Variants in KREMEN1 observed in about 807,000 individuals in gnomAD.
KREMEN1 encodes the protein kringle containing transmembrane protein 1.
KREMEN1 carries 30 observed loss-of-function variants against 46.5 expected under a neutral mutation model. The observed-to-expected ratio is 0.65, with a 90% CI of 0.48 to 0.88. The LOEUF (loss-of-function observed/expected upper bound fraction) is 0.88, where lower values mean the gene tolerates loss of function less well. Ranked by LOEUF, KREMEN1 falls within the 40% of genes least tolerant of loss-of-function variation. KREMEN1 has a pLI of 0.00. For missense variants in KREMEN1, 533 were observed against 596.9 expected, an observed-to-expected ratio of 0.89 and a Z score of 1.11; for synonymous variants, 214 against 230.6, an observed-to-expected ratio of 0.93 and a Z score of 0.65.
At chr22:29,158,833 GT>G (rs1267294207) in intron 9 of KREMEN1, among the ~76,000 whole-genome samples, 2 of 152,154 alleles carry the variant, frequency 1.3e-5, no homozygotes, top group African/African-American at 2.4e-5. Flanking sequence ...TTTTTGTTTT[GT>G]TTTTGTTTTT....
At chr22:29,113,486 G>A (rs983633839) in intron 3 of KREMEN1, among the ~76,000 whole-genome samples, 1 of 152,202 alleles carries the variant, frequency 6.6e-6, no homozygotes, top group South Asian at 2.1e-4. Flanking sequence ...AAGCCTTATT[G>A]TATATAATGA....
chr22:29,157,142 A>G (rs576588104), intron 9 of KREMEN1, among the ~76,000 whole-genome samples: 1 of 108 alleles, frequency 9.3e-3, no homozygotes, highest in African/African-American at 0.029. Context: ...AAACTATGCC[A>G]AGTCAGAGGA....
chr22:29,102,713 C>A (rs535000761), intron 3 of KREMEN1, among the ~76,000 whole-genome samples: 1 of 152,066 alleles, frequency 6.6e-6, no homozygotes, highest in African/African-American at 2.4e-5. Flanking sequence ...TAATATTTAC[C>A]GGATATGCTT....
chr22:29,126,863 A>G (rs1443236713), intron 5 of KREMEN1, among the ~76,000 whole-genome samples: 1 of 152,200 alleles, frequency 6.6e-6, no homozygotes, highest in Non-Finnish European at 1.5e-5. Flanking sequence ...ACATCCTGTT[A>G]TGTCCAGACC....
Position 29,143,112 on chromosome 22 carries a change from T to G in KREMEN1, c.*1000T>G, listed in dbSNP as rs1436607597. On this transcript the variant is annotated 3_prime_UTR_variant, in exon 9 of 9. Coordinates refer to ENST00000400335, the MANE Select transcript of KREMEN1 (RefSeq NM_001039570.3). The stretch of plus-strand genomic sequence containing the variant: ...TTGCAGTGAGCCGAGATCGCACCAC[T>G]GCACTCCAGCCTGGGTGACAAGAGT... 2.5e-6 allele frequency: 2 copies of G among 793,796 alleles called. No individual in the cohort carries two copies. Among genetic ancestry groups the G allele is most frequent in the African/African-American group, 3.7e-5 (2 of 53,352 alleles). 49.2% of individuals were successfully genotyped at this position (793,796 alleles called of 1,614,324 possible). A position where few individuals can be genotyped will look rare whatever the true frequency, so the allele number is the denominator to read the frequency against.
downstream of KREMEN1, among the ~76,000 whole-genome samples, chr22:29,151,086 C>A (rs1371522404): frequency 6.6e-6 from 1 of 150,950 alleles, no homozygotes; most frequent in African/African-American, 2.4e-5. Flanking sequence ...AAGGAAGAAT[C>A]AAACCTACAC....
At position 29,142,525 on chromosome 22, in the gene KREMEN1, A is replaced by C. The variant is rs1390845536; in HGVS notation, c.*413A>C. ...TTTTCTTGCTTCTCTATTTTTGTCC[A>C]CACACAAATCAGTTTCTCCTGATCT... On this transcript the variant is annotated 3_prime_UTR_variant, in exon 9 of 9. Coordinates refer to ENST00000400335, the MANE Select transcript of KREMEN1 (RefSeq NM_001039570.3). 2.0e-6 allele frequency: 2 copies of C among 989,768 alleles called. No homozygotes were observed. Among genetic ancestry groups the C allele is most frequent in the African/African-American group, 1.7e-5 (1 of 57,380 alleles). The allele number at this position is 989,768 out of a possible 1,614,324, so 61.3% of individuals were successfully genotyped here. A position where few individuals can be genotyped will look rare whatever the true frequency, so the allele number is the denominator to read the frequency against.
At chr22:29,091,925 A>T (rs1444432176) in intron 1 of KREMEN1, among the ~76,000 whole-genome samples, 3 of 152,148 alleles carry the variant, frequency 2.0e-5, no homozygotes, top group African/African-American at 7.2e-5. Context: ...TGTTCACAGA[A>T]TTAAAAGCAG....
chr22:29,167,437 C>G (rs1022051227), exon 10 of KREMEN1: 1 of 256,264 alleles, frequency 3.9e-6, no homozygotes, highest in African/African-American at 2.2e-5. Flanking sequence ...GAGGCAGGAC[C>G]GAGAGTGACA....
chr22:29,076,086 G>A (rs961086705), intron 1 of KREMEN1, among the ~76,000 whole-genome samples: 6 of 152,164 alleles, frequency 3.9e-5, no homozygotes, highest in African/African-American at 1.2e-4. Flanking sequence ...GGGCCATGTG[G>A]TCGAGAGGTT....
chr22:29,137,154 GA>G (rs2038673039), intron 5 of KREMEN1, among the ~76,000 whole-genome samples, 187 bp from the exon 6 acceptor site: 1 of 152,184 alleles, frequency 6.6e-6, no homozygotes, highest in African/African-American at 2.4e-5. Context: ...TCTCTGGGGG[GA>G]AAAACATCTC....
chr22:29,112,367 C>T (rs1256497503), intron 3 of KREMEN1, among the ~76,000 whole-genome samples: 1 of 152,138 alleles, frequency 6.6e-6, no homozygotes, highest in Non-Finnish European at 1.5e-5. Flanking sequence ...TGAGAAGGTG[C>T]TGTGGGTAAT....
At chr22:29,102,434 A>G (rs1448853430) in intron 3 of KREMEN1, among the ~76,000 whole-genome samples, 2 of 152,254 alleles carry the variant, frequency 1.3e-5, no homozygotes, top group African/African-American at 4.8e-5. Context: ...TAAAGAAGAA[A>G]GAAGCAGAGG....
intron 5 of KREMEN1, among the ~76,000 whole-genome samples, chr22:29,130,538 A>G (rs1212386477): frequency 6.6e-6 from 1 of 152,204 alleles, no homozygotes; most frequent in Non-Finnish European, 1.5e-5. Context: ...GGGTGCCAAG[A>G]AAGAGTAGAA....
intron 9 of KREMEN1, among the ~76,000 whole-genome samples, chr22:29,165,737 A>T (rs1434471540): frequency 1.3e-5 from 2 of 152,254 alleles, no homozygotes; most frequent in South Asian, 2.1e-4. Context: ...AGGCAATACA[A>T]GCAAGGACTG....
In KREMEN1 at chr22:29,101,896, A is replaced by G. The variant is rs150629195; in HGVS notation, c.352+2943A>G. On this transcript the variant is annotated intron_variant, in intron 3 of 8. Coordinates refer to ENST00000400335, the MANE Select transcript of KREMEN1 (RefSeq NM_001039570.3). ...CCTTGCCTAAGAGATACATGACTAT[A>G]CTTTTAAACAAGGTAAAGAAAATAC... is the stretch of plus-strand genomic sequence containing the variant. 3.9e-4 allele frequency among the ~76,000 whole-genome samples: 60 copies of G among 152,360 alleles called. No homozygotes were observed. In the East Asian group the frequency reaches 9.1e-3, roughly 23 times the overall value.
At position 29,136,534 on chromosome 22, in the gene KREMEN1, CA is replaced by C. The variant is rs535584207; in HGVS notation, c.632-807del. On this transcript the variant is annotated intron_variant, in intron 5 of 8. Coordinates refer to ENST00000400335, the MANE Select transcript of KREMEN1 (RefSeq NM_001039570.3). ...AGGTTGCAGTGAGCCGAGATCACAC[CA>C]CTGCACTCCAGCCTGGGAGACAGAC... Among the ~76,000 whole-genome samples, 38 of 150,934 alleles carry C rather than the reference CA, an allele frequency of 2.5e-4. No homozygotes were observed. The East Asian group carries it at 6.1e-3, about 24-fold the overall frequency.
rs1456955842 is a variant in KREMEN1, at chr22:29,143,694, A to G, written c.*1582A>G. 3.3e-6 allele frequency: 3 copies of G among 905,556 alleles called. No homozygotes were observed. The highest frequency in any genetic ancestry group is 2.6e-6 in the Non-Finnish European group (2 of 758,232). 56.1% of individuals were successfully genotyped at this position (905,556 alleles called of 1,614,324 possible). Reference sequence around the variant, plus strand: ...GAGGCGGAGCTTGCAGTGAGCAGAGATCACGCCACTGCACTCCAGCCTGGG... The same window carrying G: ...GAGGCGGAGCTTGCAGTGAGCAGAGGTCACGCCACTGCACTCCAGCCTGGG... On this transcript the variant is annotated 3_prime_UTR_variant, in exon 9 of 9. Coordinates refer to ENST00000400335, the MANE Select transcript of KREMEN1 (RefSeq NM_001039570.3).
chr22:29,095,411 A>G (rs1004274693), intron 2 of KREMEN1, among the ~76,000 whole-genome samples: 1 of 152,242 alleles, frequency 6.6e-6, no homozygotes, highest in Non-Finnish European at 1.5e-5. Flanking sequence ...ACTGGTATGT[A>G]GGGTCCAGAA....
Sources: gnomAD v4.1 joint callset for allele counts (sites outside exome capture counted in the v4.1 genomes callset) on GRCh38, gnomAD v4.1.1 for gene constraint, MANE v1.5 for transcripts, NCBI Gene and HGNC (gene_info 2026-07-23, HGNC 2026-07-21) for gene names.